The following SORCS3 variants were observed in gnomAD, a reference collection of about 807,000 sequenced individuals.
SORCS3 encodes the protein VPS10 domain-containing receptor SorCS3.
Under a neutral mutation model 146.3 loss-of-function variants are expected in SORCS3, and 57 were observed. The observed-to-expected ratio is 0.39, with a 90% CI of 0.31 to 0.49. The LOEUF (loss-of-function observed/expected upper bound fraction) is 0.49. SORCS3 is among the 20% of genes least tolerant of loss of function. The pLI is 0.92. For synonymous variants in SORCS3, 653 were observed against 618.5 expected, an observed-to-expected ratio of 1.06 and a Z score of -0.83; for missense variants, 1,341 against 1,575.5, an observed-to-expected ratio of 0.85 and a Z score of 2.52.
chr10:104,757,931 G>A (rs1262673649), intron 1 of SORCS3, among the ~76,000 whole-genome samples: 1 of 150,826 alleles, frequency 6.6e-6, no homozygotes, highest in Non-Finnish European at 1.5e-5. Context: ...TAAGCTTACA[G>A]GTTGTCCTTC....
At chr10:105,112,226 T>G (rs2055863313) in intron 7 of SORCS3, among the ~76,000 whole-genome samples, 1 of 151,030 alleles carries the variant, frequency 6.6e-6, no homozygotes, top group Non-Finnish European at 1.5e-5. Context: ...TTGTTTGTTT[T>G]ATTTTGTGTG....
chr10:104,903,985 A>T (rs1314705184), intron 2 of SORCS3, among the ~76,000 whole-genome samples: 2 of 152,214 alleles, frequency 1.3e-5, no homozygotes. Context: ...TTAACATGTA[A>T]CAGGGTTATT....
chr10:105,172,856 C>A (rs1270194229), intron 13 of SORCS3, among the ~76,000 whole-genome samples: 1 of 152,132 alleles, frequency 6.6e-6, no homozygotes, highest in African/African-American at 2.4e-5. Context: ...ATGATAGTGG[C>A]ATTGCCAGAA....
chr10:105,072,849 TGGGAAGACCAC>T, intron 5 of SORCS3, among the ~76,000 whole-genome samples: 1 of 152,224 alleles, frequency 6.6e-6, no homozygotes, highest in East Asian at 1.9e-4. Context: ...GATGATCCCT[TGGGAAGACCAC>T]AAACACTGAT....
At chr10:104,990,035 G>T (rs1407354124) in intron 4 of SORCS3, among the ~76,000 whole-genome samples, 1 of 152,182 alleles carries the variant, frequency 6.6e-6, no homozygotes, top group Non-Finnish European at 1.5e-5. Context: ...GTGTGCTCCT[G>T]CTGATTTCTG....
At chr10:104,734,781 G>A (rs1253328663) in intron 1 of SORCS3, among the ~76,000 whole-genome samples, 1 of 152,164 alleles carries the variant, frequency 6.6e-6, no homozygotes, top group Non-Finnish European at 1.5e-5. Flanking sequence ...GGTGGAGCTA[G>A]CCAGACCTGG....
intron 1 of SORCS3, among the ~76,000 whole-genome samples, chr10:104,670,508 G>T (rs999640641): frequency 5.9e-5 from 9 of 152,066 alleles, no homozygotes; most frequent in Non-Finnish European, 1.5e-5. Context: ...TTATATGAAG[G>T]TTTATTTCTG....
chr10:105,216,208 G>C (rs1261741367), intron 18 of SORCS3, among the ~76,000 whole-genome samples: 2 of 152,174 alleles, frequency 1.3e-5, no homozygotes, highest in Admixed American at 6.5e-5. Flanking sequence ...CCAAGGATAA[G>C]AGAACAAGGG....
At chr10:104,668,259 C>T (rs2015808551) in intron 1 of SORCS3, among the ~76,000 whole-genome samples, 1 of 152,186 alleles carries the variant, frequency 6.6e-6, no homozygotes, top group South Asian at 2.1e-4. Context: ...CTTGATCTGA[C>T]TTCTAAGGGG....
chr10:104,663,256 A>G (rs74155012), intron 1 of SORCS3, among the ~76,000 whole-genome samples: 8,848 of 152,156 alleles, frequency 0.058, 310 homozygotes, highest in African/African-American at 0.1. Context: ...ACACCACACA[A>G]ACTCCGTAAC....
intron 22 of SORCS3, among the ~76,000 whole-genome samples, chr10:105,250,505 A>G (rs754465892): frequency 1.1e-4 from 17 of 152,134 alleles, no homozygotes; most frequent in Non-Finnish European, 1.8e-4. Flanking sequence ...ATGAATCTGT[A>G]TACACTGCTC....
intron 3 of SORCS3, among the ~76,000 whole-genome samples, chr10:104,930,597 C>A (rs897384480): frequency 7.9e-5 from 12 of 152,150 alleles, no homozygotes; most frequent in African/African-American, 2.7e-4. Context: ...TTGATGGGGG[C>A]AGTAAATAGC....
intron 4 of SORCS3, among the ~76,000 whole-genome samples, chr10:105,018,272 A>C (rs775086305): frequency 6.6e-6 from 1 of 152,222 alleles, no homozygotes; most frequent in Non-Finnish European, 1.5e-5. Flanking sequence ...CTAGTCTCTC[A>C]GTAACTCTGG....
intron 11 of SORCS3, among the ~76,000 whole-genome samples, chr10:105,163,883 T>TACACACACACAC (rs67886313): frequency 0.028 from 3,840 of 138,650 alleles, 76 homozygotes; most frequent in Non-Finnish European, 0.044. Context: ...GTTACGCACA[T>TACACACACACAC]ACACACACAC....
At chr10:105,104,155 C>A (rs1177499749) in intron 6 of SORCS3, among the ~76,000 whole-genome samples, 1 of 152,176 alleles carries the variant, frequency 6.6e-6, no homozygotes, top group African/African-American at 2.4e-5. Context: ...CCTCTGCACA[C>A]ATATGTGCAC....
chr10:104,774,167 T>C (rs1422239233), intron 1 of SORCS3, among the ~76,000 whole-genome samples: 1 of 152,220 alleles, frequency 6.6e-6, no homozygotes, highest in African/African-American at 2.4e-5. Flanking sequence ...ATATCCTGTT[T>C]ACTTGCAGTC....
intron 5 of SORCS3, among the ~76,000 whole-genome samples, chr10:105,088,409 A>G (rs2055677961): frequency 6.6e-6 from 1 of 152,252 alleles, no homozygotes; most frequent in South Asian, 2.1e-4. Flanking sequence ...GAAGTGTTTT[A>G]CATAAATGAA....
intron 5 of SORCS3, among the ~76,000 whole-genome samples, chr10:105,071,878 A>C (rs2055558750): frequency 6.6e-6 from 1 of 152,222 alleles, no homozygotes; most frequent in Non-Finnish European, 1.5e-5. Flanking sequence ...CACAGGTAGA[A>C]AGACATAGAA....
intron 9 of SORCS3, among the ~76,000 whole-genome samples, chr10:105,152,382 C>T (rs2056173801): frequency 6.6e-6 from 1 of 152,124 alleles, no homozygotes; most frequent in African/African-American, 2.4e-5. Context: ...TCTAAAATGT[C>T]ATTTCAGTAT....
Sources: gnomAD v4.1 joint callset for allele counts (sites outside exome capture counted in the v4.1 genomes callset) on GRCh38, gnomAD v4.1.1 for gene constraint, MANE v1.5 for transcripts, NCBI Gene and HGNC (gene_info 2026-07-23, HGNC 2026-07-21) for gene names.